UBE2E2: variants seen among roughly 807,000 people sequenced by gnomAD.
UBE2E2 encodes ubiquitin conjugating enzyme E2 E2.
Under a neutral mutation model 24.7 loss-of-function variants are expected in UBE2E2, and 6 were observed. The ratio of observed to expected loss-of-function variants is 0.24; its 90% CI spans 0.13 to 0.48. The LOEUF is 0.48. Among genes scored for constraint, UBE2E2 ranks in the 20% least tolerant of loss-of-function variants. The pLI, the probability that UBE2E2 is intolerant of heterozygous loss-of-function variation, is 0.99. For missense variants in UBE2E2, 169 were observed against 245.0 expected (o/e 0.69, Z 2.07); for synonymous variants, 104 against 83.6 (o/e 1.24, Z -1.33).
At chr3:23,564,700 G>A (rs13091625) in intron 5 of UBE2E2, among the ~76,000 whole-genome samples, 2 of 151,992 alleles carry the variant, frequency 1.3e-5, no homozygotes, top group Non-Finnish European at 2.9e-5. Context: ...ACATCCACGG[G>A]GTAGAAAGCC....
At chr3:23,349,226 A>C (rs960503162) in intron 3 of UBE2E2, among the ~76,000 whole-genome samples, 2 of 152,206 alleles carry the variant, frequency 1.3e-5, no homozygotes, top group African/African-American at 4.8e-5. Flanking sequence ...GAAGGACAGT[A>C]AAAGAAGTCA....
chr3:23,312,133 C>T (rs1285301432), intron 3 of UBE2E2, among the ~76,000 whole-genome samples: 2 of 152,152 alleles, frequency 1.3e-5, no homozygotes, highest in African/African-American at 2.4e-5. Flanking sequence ...TGCCTGCTCG[C>T]CCTTTGCCTT....
chr3:23,523,893 G>T (rs1477308835), intron 4 of UBE2E2, among the ~76,000 whole-genome samples: 1 of 148,240 alleles, frequency 6.7e-6, no homozygotes, highest in Non-Finnish European at 1.5e-5. Flanking sequence ...GCCTAATGAT[G>T]TTAACCATAC....
chr3:23,528,287 A>G (rs140855118), intron 4 of UBE2E2, among the ~76,000 whole-genome samples: 1 of 152,336 alleles, frequency 6.6e-6, no homozygotes, highest in African/African-American at 2.4e-5. Flanking sequence ...ACAAATTGGT[A>G]CATCTATTAC....
intron 3 of UBE2E2, among the ~76,000 whole-genome samples, chr3:23,439,931 A>G (rs953427281): frequency 1.3e-5 from 2 of 151,840 alleles, no homozygotes; most frequent in East Asian, 1.9e-4. Context: ...GAGAAGCTAT[A>G]CTTATTCATT....
At chr3:23,303,577 T>G (rs1401718306) in intron 3 of UBE2E2, among the ~76,000 whole-genome samples, 1 of 152,188 alleles carries the variant, frequency 6.6e-6, no homozygotes, top group Non-Finnish European at 1.5e-5. Context: ...ATGTTTGAAT[T>G]GAGAAACATT....
chr3:23,434,311 A>G (rs1258247596), intron 3 of UBE2E2, among the ~76,000 whole-genome samples: 3 of 152,150 alleles, frequency 2.0e-5, no homozygotes, highest in Non-Finnish European at 2.9e-5. Context: ...TTACTAACAT[A>G]ACCTGGATTG....
chr3:23,485,783 TG>T (rs1418770269), intron 3 of UBE2E2, among the ~76,000 whole-genome samples: 1 of 152,112 alleles, frequency 6.6e-6, no homozygotes, highest in Non-Finnish European at 1.5e-5. Context: ...CAGAATTTAA[TG>T]GGGAGAAGTA....
chr3:23,408,281 C>CT (rs1200683097), intron 3 of UBE2E2, among the ~76,000 whole-genome samples: 7 of 151,860 alleles, frequency 4.6e-5, no homozygotes, highest in East Asian at 3.9e-4. Flanking sequence ...GACTTTTCTC[C>CT]TTTTTTTTGT....
At chr3:23,400,907 A>G (rs533207549) in intron 3 of UBE2E2, among the ~76,000 whole-genome samples, 39 of 152,250 alleles carry the variant, frequency 2.6e-4, no homozygotes, top group East Asian at 1.4e-3. Flanking sequence ...TTAGTTTTCA[A>G]TGAGTTTATG....
At chr3:23,324,382 G>A (rs571517107) in intron 3 of UBE2E2, among the ~76,000 whole-genome samples, 3 of 152,172 alleles carry the variant, frequency 2.0e-5, no homozygotes, top group South Asian at 2.1e-4. Flanking sequence ...TTTAAGGACC[G>A]TATTCCTTAT....
intron 5 of UBE2E2, among the ~76,000 whole-genome samples, chr3:23,588,329 G>A (rs986369162): frequency 4.0e-5 from 6 of 151,884 alleles, no homozygotes; most frequent in Non-Finnish European, 8.8e-5. Flanking sequence ...GAATTGGAGG[G>A]AAAAGAGTAG....
intron 3 of UBE2E2, among the ~76,000 whole-genome samples, chr3:23,482,616 G>A (rs1447785667): frequency 2.6e-5 from 4 of 152,160 alleles, no homozygotes; most frequent in African/African-American, 7.2e-5. Context: ...GGAAGGATAG[G>A]TGATGAAATC....
chr3:23,503,151 G>T (rs192798666), intron 4 of UBE2E2, among the ~76,000 whole-genome samples: 1,659 of 145,664 alleles, frequency 0.011, 21 homozygotes, highest in African/African-American at 0.038. Flanking sequence ...GTTTTTTGGG[G>T]TTTTTTTTTT....
In UBE2E2 at chr3:23,470,047, A is replaced by T. The variant is rs1366287804; in HGVS notation, c.228-29561A>T. Among the ~76,000 whole-genome samples, 3 of 152,330 alleles carry T rather than the reference A, an allele frequency of 2.0e-5. No homozygotes were observed. The East Asian group carries it at 5.8e-4, about 29-fold the overall frequency. On this transcript the variant is annotated intron_variant, in intron 3 of 5. Transcript: ENST00000396703. ...AGGAAGCTGGTTATCTGTCTGGCAC[A>T]TGGGAAGACTTAAGAGCATTGCAGT...
At chr3:23,360,540 A>G (rs1461215373) in intron 3 of UBE2E2, among the ~76,000 whole-genome samples, 1 of 152,202 alleles carries the variant, frequency 6.6e-6, no homozygotes, top group Non-Finnish European at 1.5e-5. Context: ...GAGAGCATAG[A>G]AGAAGAGATA....
At chr3:23,246,349 T>G (rs934406290) in intron 3 of UBE2E2, among the ~76,000 whole-genome samples, 2 of 150,616 alleles carry the variant, frequency 1.3e-5, no homozygotes, top group East Asian at 1.9e-4. Flanking sequence ...GCCTCCTGAG[T>G]AGCTGGGACT....
chr3:23,588,760 C>T (rs901429809), intron 5 of UBE2E2, among the ~76,000 whole-genome samples: 53 of 152,296 alleles, frequency 3.5e-4, no homozygotes, highest in Admixed American at 3.1e-3. Flanking sequence ...CCTCCTTATG[C>T]TCCAATTTCC....
intron 3 of UBE2E2, among the ~76,000 whole-genome samples, chr3:23,295,492 G>A (rs558223502): frequency 9.9e-5 from 15 of 152,188 alleles, no homozygotes; most frequent in Admixed American, 5.2e-4. Flanking sequence ...TGTCCAACGG[G>A]GACAACACCA....
Sources: gnomAD v4.1 joint callset for allele counts (sites outside exome capture counted in the v4.1 genomes callset) on GRCh38, gnomAD v4.1.1 for gene constraint, MANE v1.5 for transcripts, NCBI Gene and HGNC (gene_info 2026-07-23, HGNC 2026-07-21) for gene names.